RIMKLB: variants seen among roughly 807,000 people sequenced by gnomAD.
RIMKLB encodes beta-citrylglutamate synthase B.
Under a neutral mutation model 32.0 loss-of-function variants are expected in RIMKLB, and 7 were observed. The observed-to-expected ratio is 0.22, with a 90% CI of 0.12 to 0.41. The LOEUF is 0.41. Among genes scored for constraint, RIMKLB ranks in the 10% least tolerant of loss-of-function variants. RIMKLB has a pLI of 1.00. For synonymous variants in RIMKLB, 172 were observed against 185.1 expected (o/e 0.93, Z 0.57); for missense variants, 289 against 498.7 (o/e 0.58, Z 4.00).
intron 4 of RIMKLB, among the ~76,000 whole-genome samples, chr12:8,752,743 TTTTG>T (rs1366419667): frequency 2.0e-5 from 3 of 149,284 alleles, no homozygotes; most frequent in African/African-American, 5.2e-5. Context: ...ATTGTTTGTT[TTTTG>T]TTTTTTTTTT....
chr12:8,691,306 A>T (rs778825604), intron 1 of RIMKLB, among the ~76,000 whole-genome samples: 45 of 151,460 alleles, frequency 3.0e-4, no homozygotes, highest in Middle Eastern at 6.8e-3. Flanking sequence ...TTTTTTTTTT[A>T]AAGTTTTTGG....
intron 2 of RIMKLB, among the ~76,000 whole-genome samples, chr12:8,728,578 T>G (rs1197659934): frequency 4.6e-5 from 7 of 152,150 alleles, no homozygotes; most frequent in Admixed American, 4.6e-4. Context: ...TAGCTTAGTC[T>G]TCTAAGCTTA....
intron 1 of RIMKLB, among the ~76,000 whole-genome samples, chr12:8,699,390 G>T (rs970183950): frequency 3.3e-5 from 5 of 152,054 alleles, no homozygotes; most frequent in East Asian, 3.9e-4. Flanking sequence ...TACCTTAAAG[G>T]TCATTTCTTC....
chr12:8,757,470 C>CAAAAAAAAAAAAAAAAAAAAAAAAAAAAA (rs55670138), intron 5 of RIMKLB, among the ~76,000 whole-genome samples: 2 of 71,418 alleles, frequency 2.8e-5, no homozygotes, highest in African/African-American at 9.9e-5. Flanking sequence ...GACCCTGTCT[C>CAAAAAAAAAAAAAAAAAAAAAAAAAAAAA]AAAAAAAAAA....
At chr12:8,740,890 TG>T (rs1797890693) in intron 2 of RIMKLB, among the ~76,000 whole-genome samples, 2 of 152,036 alleles carry the variant, frequency 1.3e-5, no homozygotes, top group South Asian at 4.2e-4. Context: ...CTGGCCAACA[TG>T]GTGAAACCCC....
intron 1 of RIMKLB, among the ~76,000 whole-genome samples, chr12:8,687,954 G>C (rs1371134051): frequency 2.0e-5 from 3 of 152,132 alleles, no homozygotes; most frequent in Non-Finnish European, 2.9e-5. Flanking sequence ...AAGGAGGGGA[G>C]TCATTGCCAG....
At position 8,754,103 on chromosome 12, in the gene RIMKLB, A is replaced by AT; in HGVS notation, c.697+11dup. The AT allele has an allele frequency of 1.3e-6, 2 of 1,589,248 alleles. No individual in the cohort carries two copies. Among genetic ancestry groups the AT allele is most frequent in the Non-Finnish European group, 1.7e-6 (2 of 1,157,290 alleles). On this transcript the variant is annotated intron_variant, in intron 5 of 5. Transcript: ENST00000535829. ...AGCAACTGCTCATTAGGTAAAAATA[A>AT]TGCAATTATCTTTCTAGTATATAAA...
chr12:8,777,465 C>G, downstream of RIMKLB: 3 of 1,110,934 alleles, frequency 2.7e-6, no homozygotes, highest in Non-Finnish European at 3.3e-6. Flanking sequence ...GGCTGCCTAA[C>G]TCTAGTGAAA....
chr12:8,746,125 C>T (rs1948063197), intron 2 of RIMKLB, among the ~76,000 whole-genome samples: 2 of 151,868 alleles, frequency 1.3e-5, no homozygotes, highest in South Asian at 2.1e-4. Context: ...TCATTACCAA[C>T]GTCTTTCCTA....
At chr12:8,732,703 G>C (rs1213220981) in intron 2 of RIMKLB, among the ~76,000 whole-genome samples, 1 of 151,672 alleles carries the variant, frequency 6.6e-6, no homozygotes, top group Non-Finnish European at 1.5e-5. Context: ...CTGCCTTCTT[G>C]AATATTCTTC....
intron 2 of RIMKLB, among the ~76,000 whole-genome samples, chr12:8,720,037 G>T (rs1035019565): frequency 6.6e-6 from 1 of 152,150 alleles, no homozygotes; most frequent in Non-Finnish European, 1.5e-5. Context: ...GGTAAAGAAT[G>T]AAGCCTTCAT....
At chr12:8,680,862 GTCT>G (rs1351000098), upstream of RIMKLB, among the ~76,000 whole-genome samples, 1 of 152,150 alleles carries the variant, frequency 6.6e-6, no homozygotes, top group Non-Finnish European at 1.5e-5. Context: ...TTACGGAAAG[GTCT>G]TCTAAAAAGT....
At chr12:8,764,095 C>T (rs937429748) in intron 5 of RIMKLB, among the ~76,000 whole-genome samples, 3 of 152,116 alleles carry the variant, frequency 2.0e-5, no homozygotes, top group African/African-American at 7.2e-5. Context: ...TTCTGTACTC[C>T]TAAAATTGGA....
At chr12:8,780,845 C>A (rs1950985690), downstream of RIMKLB, 1 of 152,102 alleles carries the variant, frequency 6.6e-6, no homozygotes, top group Non-Finnish European at 1.5e-5. Flanking sequence ...TAGGTCCTTG[C>A]CTTAACGTTG....
intron 2 of RIMKLB, among the ~76,000 whole-genome samples, chr12:8,721,166 T>C (rs1945406983): frequency 6.6e-6 from 1 of 152,172 alleles, no homozygotes; most frequent in Admixed American, 6.5e-5. Context: ...ACCACCACAG[T>C]CAAGCAAATA....
At chr12:8,723,791 TTTC>T (rs1945700099) in intron 2 of RIMKLB, among the ~76,000 whole-genome samples, 2 of 150,880 alleles carry the variant, frequency 1.3e-5, no homozygotes, top group South Asian at 4.2e-4. Context: ...TCTCATAGGC[TTTC>T]TTCAGTTCCC....
chr12:8,742,937 G>T, intron 2 of RIMKLB: 1 of 168,314 alleles, frequency 5.9e-6, no homozygotes, highest in East Asian at 1.7e-4. Context: ...AGCTCTCTCA[G>T]GGGGTCCAAT....
chr12:8,708,434 T>G (rs1260591815), intron 1 of RIMKLB, among the ~76,000 whole-genome samples: 1 of 152,116 alleles, frequency 6.6e-6, no homozygotes, highest in Non-Finnish European at 1.5e-5. Context: ...ATGCTCTCAT[T>G]TGTCCTCTGT....
chr12:8,704,795 G>A (rs1943703402), intron 1 of RIMKLB, among the ~76,000 whole-genome samples: 1 of 151,906 alleles, frequency 6.6e-6, no homozygotes, highest in South Asian at 2.1e-4. Flanking sequence ...ACCAGCCTGG[G>A]CAACATAGTG....
Sources: allele counts gnomAD v4.1 joint callset (sites outside exome capture counted in the v4.1 genomes callset), GRCh38; gene constraint gnomAD v4.1.1; transcripts MANE v1.5; gene names NCBI Gene and HGNC (gene_info 2026-07-23, HGNC 2026-07-21).